INTS7: variants seen among roughly 807,000 people sequenced by gnomAD.
INTS7 encodes integrator complex subunit 7.
In INTS7, 46 loss-of-function variants were observed where a neutral mutation model predicts 109.2. That is an observed-to-expected ratio of 0.42 (90% CI 0.33 to 0.54). The LOEUF (loss-of-function observed/expected upper bound fraction) is 0.54. INTS7 is among the 20% of genes least tolerant of loss of function. The pLI, the probability that INTS7 is intolerant of heterozygous loss-of-function variation, is 0.07. For missense variants in INTS7, 929 were observed against 1,132.4 expected (o/e 0.82, Z 2.58); for synonymous variants, 412 against 402.9 (o/e 1.02, Z -0.27).
chr1:212,030,809 AT>A (rs1409234879), intron 1 of INTS7: 3 of 152,172 alleles, frequency 2.0e-5, no homozygotes, highest in African/African-American at 7.2e-5. Context: ...AAGGCCTCAT[AT>A]TTGTTTACTG....
At chr1:211,996,821 T>C (rs1665413043) in intron 7 of INTS7, among the ~76,000 whole-genome samples, 1 of 152,066 alleles carries the variant, frequency 6.6e-6, no homozygotes, top group Non-Finnish European at 1.5e-5. Context: ...GCCCAGGAGT[T>C]TGAGACCAGC....
At chr1:211,978,589 G>A (rs1432328136) in intron 10 of INTS7, 78 bp from the exon 11 acceptor site, 4 of 1,517,874 alleles carry the variant, frequency 2.6e-6, no homozygotes, top group Non-Finnish European at 3.6e-6. Flanking sequence ...CTTTGTACAG[G>A]TTACTGGGGA....
chr1:211,975,968 T>A (rs1174716481), intron 12 of INTS7, among the ~76,000 whole-genome samples: 15 of 143,224 alleles, frequency 1.0e-4, no homozygotes, highest in South Asian at 9.0e-4. Flanking sequence ...TTTTTTTTTT[T>A]AATTTATTTT....
chr1:212,035,469 G>C lies in INTS7; in HGVS notation c.-32C>G. On this transcript the variant is annotated 5_prime_UTR_variant, in exon 1 of 20. Coordinates refer to ENST00000366994, the MANE Select transcript of INTS7 (RefSeq NM_015434.4). ...AATAGTTACTCGACTAGCCTAGTCA[G>C]AAAGCTTGCAAACTCTACCCCAGGA... 2 of 1,508,300 alleles carry C rather than the reference G, an allele frequency of 1.3e-6. No homozygotes were observed. The highest frequency in any genetic ancestry group is 2.2e-5 in the South Asian group (2 of 88,896). The allele number at this position is 1,508,300 out of a possible 1,614,324, so 93.4% of individuals were successfully genotyped here.
At chr1:212,032,067 A>C (rs1435199407) in intron 1 of INTS7, among the ~76,000 whole-genome samples, 1 of 152,206 alleles carries the variant, frequency 6.6e-6, no homozygotes, top group African/African-American at 2.4e-5. Context: ...GATTTCAGTA[A>C]ACAATACATA....
At chr1:212,026,530 C>T (rs1403421510) in intron 1 of INTS7, among the ~76,000 whole-genome samples, 1 of 151,906 alleles carries the variant, frequency 6.6e-6, no homozygotes, top group Admixed American at 6.6e-5. Flanking sequence ...AACACAACGC[C>T]AAAAGGGATA....
intron 5 of INTS7, among the ~76,000 whole-genome samples, chr1:212,010,553 C>T (rs1666123421): frequency 6.6e-6 from 1 of 152,148 alleles, no homozygotes; most frequent in African/African-American, 2.4e-5. Context: ...TCATGCCCCC[C>T]ATAAGTATGC....
At chr1:211,973,538 G>T (rs1664271399) in intron 13 of INTS7, among the ~76,000 whole-genome samples, 1 of 152,070 alleles carries the variant, frequency 6.6e-6, no homozygotes, top group African/African-American at 2.4e-5. Context: ...CTCAGGTATG[G>T]ATCATTCACA....
At chr1:212,014,951 G>C (rs1200515128) in intron 4 of INTS7, among the ~76,000 whole-genome samples, 1 of 152,206 alleles carries the variant, frequency 6.6e-6, no homozygotes, top group African/African-American at 2.4e-5. Flanking sequence ...GTGCCCGGCC[G>C]CCACCCCGTC....
chr1:211,976,117 A>C (rs1190608158), intron 12 of INTS7, among the ~76,000 whole-genome samples: 2 of 152,124 alleles, frequency 1.3e-5, no homozygotes. Context: ...TTCTGTACTA[A>C]CCAAGGTTTC....
chr1:211,989,072 G>T (rs1665033320), intron 7 of INTS7, among the ~76,000 whole-genome samples: 1 of 152,012 alleles, frequency 6.6e-6, no homozygotes, highest in African/African-American at 2.4e-5. Flanking sequence ...TAAAGGTTCA[G>T]AAAATAAGCA....
chr1:211,981,773 G>C (rs1054279527), intron 9 of INTS7, among the ~76,000 whole-genome samples: 2 of 152,122 alleles, frequency 1.3e-5, no homozygotes, highest in African/African-American at 4.8e-5. Flanking sequence ...GTTTTAGAAA[G>C]TTCTGAATAT....
At position 212,009,337 on chromosome 1, in the gene INTS7, C is replaced by G. The variant is rs1042031957; in HGVS notation, c.557-1888G>C. On this transcript the variant is annotated intron_variant, in intron 5 of 19. Transcript: ENST00000366994. ...TCTACATATGTATATTCTCATATAACTGTCATCAGATACACAGAATACTCC... is the reference window on the plus strand; with the variant it reads ...TCTACATATGTATATTCTCATATAAGTGTCATCAGATACACAGAATACTCC... Among the ~76,000 whole-genome samples the G allele has an allele frequency of 9.2e-5, 14 of 152,220 alleles. No homozygotes were observed. In the Middle Eastern group the frequency reaches 0.01, roughly 111 times the overall value.
chr1:211,950,882 G>C (rs966463510), intron 17 of INTS7, among the ~76,000 whole-genome samples: 8 of 152,114 alleles, frequency 5.3e-5, no homozygotes, highest in Non-Finnish European at 1.2e-4. Context: ...TTTTAGGATG[G>C]AGCTTAGAAG....
At chr1:212,002,374 G>C (rs969960757) in intron 7 of INTS7, among the ~76,000 whole-genome samples, 3 of 152,216 alleles carry the variant, frequency 2.0e-5, no homozygotes, top group Non-Finnish European at 4.4e-5. Context: ...TAATCTTTTA[G>C]AACTTAAGTC....
At chr1:211,968,331 C>T (rs972714051) in intron 14 of INTS7, among the ~76,000 whole-genome samples, 182 bp downstream of exon 14, 10 of 152,170 alleles carry the variant, frequency 6.6e-5, no homozygotes, top group Non-Finnish European at 1.5e-4. Flanking sequence ...ATTGAGATAA[C>T]ATGAATCACT....
chr1:212,030,662 A>G (rs921928459), intron 1 of INTS7: 1 of 152,206 alleles, frequency 6.6e-6, no homozygotes, highest in Non-Finnish European at 1.5e-5. Flanking sequence ...AGAGATTCTC[A>G]GGAGAAAGAA....
intron 7 of INTS7, among the ~76,000 whole-genome samples, chr1:212,000,030 T>G (rs150946803): frequency 0.028 from 4,173 of 151,696 alleles, 81 homozygotes; most frequent in Non-Finnish European, 0.04. Context: ...GCTTGAACCC[T>G]GGAGGCAGAG....
Position 211,981,147 on chromosome 1 carries a change from G to A in INTS7, c.1176C>T (p.Ser392=), listed in dbSNP as rs2275330. The A allele has an allele frequency of 8.3e-4, 1,347 of 1,613,454 alleles. 29 individuals carry two copies. In the East Asian group the frequency reaches 0.028, roughly 33 times the overall value. The change falls in exon 10 of 20, where the codon TCC becomes TCT. Residue 392 remains serine (S), a synonymous_variant. Coordinates refer to ENST00000366994, the MANE Select transcript of INTS7 (RefSeq NM_015434.4). ...LEQDAVFGLE[S]LLVLCSQDDS... ...CATCTTGACTACAAAGTACCAGTAGGGATTCCAGGCCAAAGACAGCATCTT... is the reference window on the plus strand; with the variant it reads ...CATCTTGACTACAAAGTACCAGTAGAGATTCCAGGCCAAAGACAGCATCTT...
Sources: allele counts gnomAD v4.1 joint callset (sites outside exome capture counted in the v4.1 genomes callset), GRCh38; gene constraint gnomAD v4.1.1; transcripts MANE v1.5; gene names NCBI Gene and HGNC (gene_info 2026-07-23, HGNC 2026-07-21).